Variants in SLC16A12 observed in about 807,000 individuals in gnomAD.
The protein encoded by SLC16A12 is solute carrier family 16 member 12, also known as monocarboxylate transporter 12.
A neutral mutation model predicts 42.4 loss-of-function variants in SLC16A12; 17 were observed. The observed-to-expected ratio is 0.40, with a 90% confidence interval of 0.27 to 0.60. The LOEUF (loss-of-function observed/expected upper bound fraction) is 0.60, where lower values mean the gene tolerates loss of function less well. Among genes scored for constraint, SLC16A12 ranks in the 20% least tolerant of loss-of-function variants. The probability of loss-of-function intolerance (pLI) is 0.42; values close to 1 mark genes in which losing one functional copy is unlikely to be tolerated. For synonymous variants in SLC16A12, 224 were observed against 229.4 expected, an observed-to-expected ratio of 0.98 and a Z score of 0.21; for missense variants, 544 against 623.0, an observed-to-expected ratio of 0.87 and a Z score of 1.35.
intron 2 of SLC16A12, among the ~76,000 whole-genome samples, chr10:89,552,919 A>G (rs562651275): frequency 2.0e-5 from 3 of 152,210 alleles, no homozygotes; most frequent in Non-Finnish European, 4.4e-5. Context: ...CCAAGTTCCA[A>G]AAAATGACCA....
intron 2 of SLC16A12, among the ~76,000 whole-genome samples, chr10:89,520,734 A>AAG (rs1843337926): frequency 6.6e-6 from 1 of 151,604 alleles, no homozygotes; most frequent in Non-Finnish European, 1.5e-5. Flanking sequence ...AAAAAAAAAA[A>AAG]AAAAAAAATG....
At chr10:89,555,623 G>GTA (rs1843809840) in intron 2 of SLC16A12, among the ~76,000 whole-genome samples, 1 of 136,932 alleles carries the variant, frequency 7.3e-6, no homozygotes, top group African/African-American at 2.7e-5. Context: ...ATACAGATAT[G>GTA]TATATATACA....
intron 2 of SLC16A12, among the ~76,000 whole-genome samples, chr10:89,530,521 C>T (rs1843529759): frequency 6.6e-6 from 1 of 151,800 alleles, no homozygotes; most frequent in Non-Finnish European, 1.5e-5. Context: ...GGGTTCATGC[C>T]ATTCTCCTGC....
chr10:89,521,982 A>C (rs1200951252), intron 2 of SLC16A12, among the ~76,000 whole-genome samples: 1 of 152,162 alleles, frequency 6.6e-6, no homozygotes, highest in East Asian at 1.9e-4. Context: ...GTCCTCCTGA[A>C]GTCCAGACCG....
At chr10:89,484,376 A>G (rs1842716734) in intron 2 of SLC16A12, among the ~76,000 whole-genome samples, 1 of 152,204 alleles carries the variant, frequency 6.6e-6, no homozygotes, top group Non-Finnish European at 1.5e-5. Flanking sequence ...CTAGAGGGTT[A>G]CAAATATCTG....
rs963121943 is a variant in SLC16A12, at chr10:89,511,964, C to T, written c.-47+22537G>A. ...GCAAAATGTGGCACATAATGGATTACGCAGCCTTATAAAGGAAGGACATTC... is the reference window on the plus strand; with the variant it reads ...GCAAAATGTGGCACATAATGGATTATGCAGCCTTATAAAGGAAGGACATTC... On this transcript the variant is annotated intron_variant, in intron 2 of 7. Transcript: ENST00000371790. 3.8e-4 allele frequency among the ~76,000 whole-genome samples: 58 copies of T among 152,210 alleles called. 1 individual carries two copies. The highest frequency in any genetic ancestry group is 1.2e-3 in the African/African-American group (49 of 41,506).
chr10:89,446,442 G>A (rs1842003047), intron 3 of SLC16A12, among the ~76,000 whole-genome samples: 1 of 152,200 alleles, frequency 6.6e-6, no homozygotes. Flanking sequence ...AAGAGAGTGG[G>A]GGCCAATATT....
chr10:89,542,296 C>CT (rs1329731250), intron 2 of SLC16A12, among the ~76,000 whole-genome samples: 91 of 113,958 alleles, frequency 8.0e-4, no homozygotes, highest in African/African-American at 3.1e-3. Flanking sequence ...GTTATATTTT[C>CT]TTTTTTTTTC....
intron 2 of SLC16A12, among the ~76,000 whole-genome samples, chr10:89,514,512 C>T (rs1271731752): frequency 6.6e-6 from 1 of 152,160 alleles, no homozygotes; most frequent in East Asian, 1.9e-4. Flanking sequence ...TAGACAATGG[C>T]CCTCTGGCTG....
At chr10:89,441,062 C>T in intron 5 of SLC16A12, 46 bp downstream of exon 5, 1 of 1,610,302 alleles carries the variant, frequency 6.2e-7, no homozygotes, top group Non-Finnish European at 8.5e-7. Context: ...TGCTTGGAAA[C>T]CCCTGAATGG....
chr10:89,529,246 C>T (rs531897368), intron 2 of SLC16A12, among the ~76,000 whole-genome samples: 23 of 152,126 alleles, frequency 1.5e-4, no homozygotes, highest in Non-Finnish European at 2.4e-4. Flanking sequence ...TATGAACTCA[C>T]TCCCATGGAA....
At chr10:89,476,210 G>A (rs1463388344) in intron 2 of SLC16A12, among the ~76,000 whole-genome samples, 1 of 152,170 alleles carries the variant, frequency 6.6e-6, no homozygotes, top group Non-Finnish European at 1.5e-5. Context: ...TGGCTGTAAA[G>A]GAGAACCTGG....
intron 3 of SLC16A12, among the ~76,000 whole-genome samples, chr10:89,453,634 G>T (rs112540193): frequency 6.6e-6 from 1 of 152,130 alleles, no homozygotes; most frequent in Admixed American, 6.5e-5. Flanking sequence ...TGTGCAGTAC[G>T]CGCTACTTTC....
chr10:89,515,092 A>G (rs1242373415), intron 2 of SLC16A12, among the ~76,000 whole-genome samples: 4 of 125,160 alleles, frequency 3.2e-5, no homozygotes, highest in Non-Finnish European at 7.3e-5. Flanking sequence ...ACTTCATCTC[A>G]AAAAAAAGAA....
intron 2 of SLC16A12, among the ~76,000 whole-genome samples, chr10:89,501,746 A>G (rs1287635114): frequency 6.6e-6 from 1 of 152,140 alleles, no homozygotes; most frequent in Non-Finnish European, 1.5e-5. Context: ...GCAAGACTTC[A>G]TCTCAAAAAT....
At chr10:89,540,557 G>A (rs1485239289), upstream of SLC16A12, among the ~76,000 whole-genome samples, 2 of 152,056 alleles carry the variant, frequency 1.3e-5, no homozygotes, top group Non-Finnish European at 1.5e-5. Context: ...TGCTGTCAAC[G>A]GCAGTGCGTT....
intron 3 of SLC16A12, among the ~76,000 whole-genome samples, chr10:89,445,005 C>T (rs1841975771): frequency 6.6e-6 from 1 of 152,254 alleles, no homozygotes; most frequent in Non-Finnish European, 1.5e-5. Context: ...GCTAGCGCAG[C>T]AGTCCGAGAT....
chr10:89,511,178 C>G (rs187148346), intron 2 of SLC16A12, among the ~76,000 whole-genome samples: 1 of 152,308 alleles, frequency 6.6e-6, no homozygotes, highest in African/African-American at 2.4e-5. Flanking sequence ...GTGGTGACTC[C>G]TCAAGGATCT....
intron 3 of SLC16A12, among the ~76,000 whole-genome samples, chr10:89,453,392 C>G (rs1237813919): frequency 6.6e-6 from 1 of 152,156 alleles, no homozygotes; most frequent in African/African-American, 2.4e-5. Context: ...TGGATTTACC[C>G]TCATTATAAA....
Sources: allele counts gnomAD v4.1 joint callset (sites outside exome capture counted in the v4.1 genomes callset), GRCh38; gene constraint gnomAD v4.1.1; transcripts MANE v1.5; gene names NCBI Gene and HGNC (gene_info 2026-07-23, HGNC 2026-07-21).